Variants in NUDCD1 observed in about 807,000 individuals in gnomAD.
NUDCD1 encodes nudC domain-containing protein 1.
NUDCD1 carries 60 observed loss-of-function variants against 67.8 expected under a neutral mutation model. The observed-to-expected ratio is 0.88, with a 90% CI of 0.72 to 1.10. The LOEUF (loss-of-function observed/expected upper bound fraction) is 1.10. NUDCD1 is among the 50% of genes least tolerant of loss of function. The pLI is 0.00. For synonymous variants in NUDCD1, 244 were observed against 230.8 expected (o/e 1.06, Z -0.52); for missense variants, 643 against 695.0 (o/e 0.93, Z 0.84).
At chr8:109,320,628 A>C (rs1191190576) in intron 2 of NUDCD1, among the ~76,000 whole-genome samples, 2 of 152,236 alleles carry the variant, frequency 1.3e-5, no homozygotes, top group African/African-American at 4.8e-5. Flanking sequence ...GACAGGATTA[A>C]GAGATTAAAG....
chr8:109,297,294 C>T (rs1814867954), intron 2 of NUDCD1, among the ~76,000 whole-genome samples: 1 of 152,180 alleles, frequency 6.6e-6, no homozygotes. Context: ...ATTTAGCCTA[C>T]TATGAATCTA....
intron 2 of NUDCD1, among the ~76,000 whole-genome samples, chr8:109,316,940 T>G (rs2980634): frequency 0.39 from 59,809 of 152,016 alleles, 12,301 homozygotes; most frequent in South Asian, 0.51. Context: ...AAAACAAGCT[T>G]TAAGAACCTA....
chr8:109,242,741 A>T lies in NUDCD1; in HGVS notation c.*268T>A, dbSNP rs1051104599. 54 of 227,992 alleles carry T rather than the reference A, an allele frequency of 2.4e-4. No homozygotes were observed. Among genetic ancestry groups the T allele is most frequent in the African/African-American group, 1.2e-3 (51 of 44,042 alleles). 14.1% of individuals were successfully genotyped at this position (227,992 alleles called of 1,614,324 possible). Reference sequence around the variant, plus strand: ...TCTTTCATATAAAACATGAGATTCTAGCCTGTTTTAAAAAATAAGTATACT... The same window carrying T: ...TCTTTCATATAAAACATGAGATTCTTGCCTGTTTTAAAAAATAAGTATACT... On this transcript the variant is annotated 3_prime_UTR_variant, in exon 10 of 10. Coordinates refer to ENST00000239690, the MANE Select transcript of NUDCD1 (RefSeq NM_032869.4).
At chr8:109,319,574 T>G (rs1815483265) in intron 2 of NUDCD1, among the ~76,000 whole-genome samples, 1 of 152,192 alleles carries the variant, frequency 6.6e-6, no homozygotes, top group Non-Finnish European at 1.5e-5. Flanking sequence ...AAGTAAAGAT[T>G]GCAAAGCAGA....
chr8:109,325,662 C>T (rs1013312020), intron 1 of NUDCD1, among the ~76,000 whole-genome samples: 4 of 152,162 alleles, frequency 2.6e-5, no homozygotes, highest in Admixed American at 1.3e-4. Flanking sequence ...GGGACTTGTA[C>T]AGGAAAGGTT....
At chr8:109,309,761 T>C (rs898521365) in intron 2 of NUDCD1, among the ~76,000 whole-genome samples, 2 of 152,034 alleles carry the variant, frequency 1.3e-5, no homozygotes, top group African/African-American at 2.4e-5. Flanking sequence ...CAGCAGAAGT[T>C]TCCAGATACA....
At chr8:109,326,730 T>A (rs1016532897) in intron 1 of NUDCD1, among the ~76,000 whole-genome samples, 2 of 152,148 alleles carry the variant, frequency 1.3e-5, no homozygotes, top group African/African-American at 4.8e-5. Context: ...AAAACCTAGT[T>A]TTTCACACAT....
chr8:109,322,608 A>G (rs974193280), intron 1 of NUDCD1, 145 bp from the exon 2 acceptor site: 1 of 568,308 alleles, frequency 1.8e-6, no homozygotes, highest in Non-Finnish European at 3.2e-6. Flanking sequence ...CATTCTTTCA[A>G]AGATAATTTC....
chr8:109,311,702 G>GT (rs1815256276), intron 2 of NUDCD1, among the ~76,000 whole-genome samples: 1 of 151,836 alleles, frequency 6.6e-6, no homozygotes, highest in African/African-American at 2.4e-5. Flanking sequence ...GTTCTCACTT[G>GT]TAAGTGGGAG....
chr8:109,330,915 T>G (rs961402719), intron 1 of NUDCD1, among the ~76,000 whole-genome samples: 3 of 151,874 alleles, frequency 2.0e-5, no homozygotes, highest in African/African-American at 7.3e-5. Context: ...GGGAGAGCAT[T>G]AGGAAAAATT....
intron 8 of NUDCD1, among the ~76,000 whole-genome samples, chr8:109,251,661 T>G (rs1813626942): frequency 6.6e-6 from 1 of 152,168 alleles, no homozygotes. Context: ...TTCTTTTTCC[T>G]CAGTCTGGCT....
Position 109,289,896 on chromosome 8 carries a change from G to T in NUDCD1, c.678C>A (p.Leu226=). The T allele has an allele frequency of 6.5e-7, 1 of 1,530,310 alleles. No individual in the cohort carries two copies. 94.8% of individuals were successfully genotyped at this position (1,530,310 alleles called of 1,614,324 possible). Residue 226 remains leucine, a synonymous_variant, in exon 5 of 10, where the codon CTC becomes CTA. Coordinates refer to ENST00000239690, the MANE Select transcript of NUDCD1 (RefSeq NM_032869.4). ...KKYEIIKRDI[L]RGKSVPHYAA... is the part of the protein sequence containing the mutation. The stretch of plus-strand genomic sequence containing the variant: ...CATAATGTGGCACTGACTTTCCACG[G>T]AGAATATCACGCTTAATAATTTCAT...
chr8:109,311,566 T>TATATATATATATATATATAG (rs1204690396), intron 2 of NUDCD1, among the ~76,000 whole-genome samples: 1 of 144,468 alleles, frequency 6.9e-6, no homozygotes, highest in Non-Finnish European at 1.5e-5. Flanking sequence ...GGTGTATATA[T>TATATATATATATATATATAG]ATATATGATG....
chr8:109,248,880 T>A (rs1813560604), intron 8 of NUDCD1, among the ~76,000 whole-genome samples: 1 of 151,934 alleles, frequency 6.6e-6, no homozygotes, highest in South Asian at 2.1e-4. Context: ...ATTTCCCCAT[T>A]CCTTTATTCA....
rs556796444 is a variant in NUDCD1 at position 109,325,864 on chromosome 8, G to T, written c.119-3401C>A. Among the ~76,000 whole-genome samples, 233 of 152,310 alleles carry T rather than the reference G, an allele frequency of 1.5e-3. 1 individual carries two copies. The highest frequency in any genetic ancestry group is 3.0e-3 in the Non-Finnish European group (201 of 68,028). ...GAATAAAGCAGGGTAAATCCAGGAA[G>T]ATCCATTAGAAAGCTATTGCAATCA... is the stretch of plus-strand genomic sequence containing the variant. On this transcript the variant is annotated intron_variant, in intron 1 of 9. Coordinates refer to ENST00000239690, the MANE Select transcript of NUDCD1 (RefSeq NM_032869.4).
chr8:109,289,360 C>T (rs904838823), intron 5 of NUDCD1, among the ~76,000 whole-genome samples: 2 of 152,076 alleles, frequency 1.3e-5, no homozygotes, highest in African/African-American at 4.8e-5. Flanking sequence ...AACTTACTTT[C>T]AGTTTAGTAT....
chr8:109,248,127 A>G (rs545590084), intron 8 of NUDCD1, among the ~76,000 whole-genome samples: 10 of 152,318 alleles, frequency 6.6e-5, no homozygotes, highest in Non-Finnish European at 1.0e-4. Context: ...AAGATGATAT[A>G]CTGCTGGCTT....
At chr8:109,279,863 C>T (rs529522585) in intron 6 of NUDCD1, among the ~76,000 whole-genome samples, 3 of 152,010 alleles carry the variant, frequency 2.0e-5, no homozygotes, top group Non-Finnish European at 2.9e-5. Context: ...AACTCCTGAC[C>T]TCAGGCAATC....
chr8:109,333,485 T>G (rs2130167996), intron 1 of NUDCD1, among the ~76,000 whole-genome samples: 1 of 152,276 alleles, frequency 6.6e-6, no homozygotes, highest in Admixed American at 6.5e-5. Flanking sequence ...AAACAGGAAC[T>G]GGGGGTCCTC....
Sources: gnomAD v4.1 joint callset for allele counts (sites outside exome capture counted in the v4.1 genomes callset) on GRCh38, gnomAD v4.1.1 for gene constraint, MANE v1.5 for transcripts, NCBI Gene and HGNC (gene_info 2026-07-23, HGNC 2026-07-21) for gene names.